The following LARGE1 variants were observed in gnomAD, a reference collection of about 807,000 sequenced individuals.
The protein encoded by LARGE1 is xylosyl- and glucuronyltransferase LARGE1.
A neutral mutation model predicts 87.6 loss-of-function variants in LARGE1; 43 were observed. The ratio of observed to expected loss-of-function variants is 0.49; its 90% CI spans 0.38 to 0.63. The LOEUF is 0.63. Ranked by LOEUF, LARGE1 falls within the 30% of genes least tolerant of loss-of-function variation. LARGE1 has a pLI of 0.00. For synonymous variants in LARGE1, 434 were observed against 394.6 expected, an observed-to-expected ratio of 1.10 and a Z score of -1.18; for missense variants, 802 against 1,000.2, an observed-to-expected ratio of 0.80 and a Z score of 2.67.
chr22:33,119,551 G>T, the LARGE1 span, among the ~76,000 whole-genome samples: 1 of 151,936 alleles, frequency 6.6e-6, no homozygotes, highest in African/African-American at 2.4e-5. Context: ...AAGTCCCCAG[G>T]CCCTGATGAC....
chr22:33,202,968 G>C (rs1226156214), intron 11 of LARGE1, among the ~76,000 whole-genome samples: 1 of 152,026 alleles, frequency 6.6e-6, no homozygotes, highest in Non-Finnish European at 1.5e-5. Flanking sequence ...ATTCATTTTT[G>C]TAGGATAATA....
At chr22:33,697,048 C>T (rs565618227) in intron 2 of LARGE1, among the ~76,000 whole-genome samples, 1 of 151,974 alleles carries the variant, frequency 6.6e-6, no homozygotes, top group Non-Finnish European at 1.5e-5. Flanking sequence ...GTTGTGAAAC[C>T]CAGTTTCCAC....
intron 2 of LARGE1, among the ~76,000 whole-genome samples, chr22:33,739,111 C>T (rs1481653671): frequency 6.6e-6 from 1 of 152,010 alleles, no homozygotes; most frequent in African/African-American, 2.4e-5. Flanking sequence ...AATAACAGTA[C>T]ATGCCTCGCA....
chr22:33,565,002 G>A lies in LARGE1; in HGVS notation c.633C>T (p.Ile211=), dbSNP rs770653317. The A allele has an allele frequency of 6.2e-7, 1 of 1,614,124 alleles. No homozygotes were observed. The highest frequency in any genetic ancestry group is 8.5e-7 in the Non-Finnish European group (1 of 1,179,980). The change falls in exon 6 of 15, where the codon ATC becomes ATT. Residue 211 remains isoleucine, a synonymous_variant. Transcript: ENST00000397394. ...ADELKSEVSW[I]PNKHYSGIYG... is the part of the protein sequence containing the mutation. The stretch of plus-strand genomic sequence containing the variant: ...AAATCCCAGAGTAATGTTTATTGGG[G>A]ATCCAGGAAACTTCAGACTAGACAG...
At chr22:33,511,172 T>C (rs573287599) in intron 6 of LARGE1, among the ~76,000 whole-genome samples, 1 of 152,194 alleles carries the variant, frequency 6.6e-6, no homozygotes, top group Admixed American at 6.5e-5. Flanking sequence ...TGTACTCAGG[T>C]ATCTTCACAC....
chr22:33,313,407 C>T (rs1426232272), intron 11 of LARGE1, among the ~76,000 whole-genome samples: 6 of 152,198 alleles, frequency 3.9e-5, no homozygotes, highest in Non-Finnish European at 7.3e-5. Context: ...CAGAACTAAA[C>T]ATCCTACTGT....
chr22:33,680,464 GT>G (rs891925306), intron 2 of LARGE1, among the ~76,000 whole-genome samples: 22 of 149,876 alleles, frequency 1.5e-4, no homozygotes, highest in African/African-American at 5.3e-4. Context: ...CCAGAATGGG[GT>G]GGGGGGCAGA....
intron 8 of LARGE1, among the ~76,000 whole-genome samples, chr22:33,383,260 A>T (rs1397552215): frequency 1.3e-5 from 2 of 152,188 alleles, no homozygotes; most frequent in African/African-American, 4.8e-5. Context: ...ATAGGTTTTT[A>T]AAAAATGACT....
rs1555916106 is a variant in LARGE1, at chr22:33,432,595, T to TCATG, written c.788-334_788-331dup. ...TTCATTCATTCATTCATTCATTCAT[T>TCATG]CATGCATGCATGCATGCATTTCTTT... On this transcript the variant is annotated intron_variant, in intron 6 of 14. Coordinates refer to ENST00000397394, the MANE Select transcript of LARGE1 (RefSeq NM_133642.5). 0.013 allele frequency among the ~76,000 whole-genome samples: 1,856 copies of TCATG among 147,196 alleles called. 17 individuals carry two copies. Among genetic ancestry groups the TCATG allele is most frequent in the African/African-American group, 0.026 (1,033 of 39,644 alleles).
chr22:33,744,685 GA>G (rs144098280), intron 2 of LARGE1, among the ~76,000 whole-genome samples: 2,525 of 152,326 alleles, frequency 0.017, 62 homozygotes, highest in African/African-American at 0.059. Flanking sequence ...TCACGCCCTG[GA>G]AAACACCTCA....
chr22:33,511,112 G>A (rs1196640407), intron 6 of LARGE1, among the ~76,000 whole-genome samples: 1 of 152,144 alleles, frequency 6.6e-6, no homozygotes, highest in Non-Finnish European at 1.5e-5. Context: ...ACCAAACGGG[G>A]GCAGCCAGAC....
At chr22:33,749,238 C>T (rs912883316) in intron 2 of LARGE1, among the ~76,000 whole-genome samples, 3 of 152,204 alleles carry the variant, frequency 2.0e-5, no homozygotes, top group Non-Finnish European at 2.9e-5. Flanking sequence ...TCTCACCCTC[C>T]AGAGTAGCTG....
the LARGE1 span, among the ~76,000 whole-genome samples, chr22:33,115,209 G>T: frequency 6.6e-6 from 1 of 152,080 alleles, no homozygotes; most frequent in African/African-American, 2.4e-5. Flanking sequence ...CCTTTAAAGC[G>T]CTCAAAAATA....
intron 2 of LARGE1, among the ~76,000 whole-genome samples, chr22:33,683,808 T>A (rs2081857877): frequency 6.6e-6 from 1 of 152,188 alleles, no homozygotes. Context: ...GTAAGTTGAC[T>A]ATACAACACC....
the LARGE1 span, among the ~76,000 whole-genome samples, chr22:33,138,781 G>A: frequency 2.0e-5 from 3 of 152,122 alleles, no homozygotes; most frequent in Non-Finnish European, 4.4e-5. Flanking sequence ...GAAATGAGTT[G>A]AGACTTTGGG....
chr22:33,161,228 C>A (rs1922012963), downstream of LARGE1, among the ~76,000 whole-genome samples: 1 of 152,108 alleles, frequency 6.6e-6, no homozygotes, highest in Non-Finnish European at 1.5e-5. Flanking sequence ...GATTCAATTA[C>A]CTCCCACCAG....
At chr22:33,232,202 T>G (rs150040386) in intron 11 of LARGE1, among the ~76,000 whole-genome samples, 1 of 152,340 alleles carries the variant, frequency 6.6e-6, no homozygotes, top group African/African-American at 2.4e-5. Context: ...TCTCTCAGCC[T>G]GCAAAACAGA....
At chr22:33,308,850 G>A (rs1335554316) in intron 11 of LARGE1, among the ~76,000 whole-genome samples, 1 of 152,186 alleles carries the variant, frequency 6.6e-6, no homozygotes, top group African/African-American at 2.4e-5. Flanking sequence ...TTGTGAAACA[G>A]TAACATTTAC....
At chr22:33,749,839 A>G (rs970042029) in intron 2 of LARGE1, among the ~76,000 whole-genome samples, 4 of 152,280 alleles carry the variant, frequency 2.6e-5, no homozygotes, top group Admixed American at 1.3e-4. Context: ...AAGCTTGAGC[A>G]TATCGACTTT....
Sources: gnomAD v4.1 joint callset for allele counts (sites outside exome capture counted in the v4.1 genomes callset) on GRCh38, gnomAD v4.1.1 for gene constraint, MANE v1.5 for transcripts, NCBI Gene and HGNC (gene_info 2026-07-23, HGNC 2026-07-21) for gene names.